Variants in GNAI1 observed in about 807,000 individuals in gnomAD.
The protein encoded by GNAI1 is guanine nucleotide-binding protein G(i) subunit alpha-1.
In GNAI1, 11 loss-of-function variants were observed where a neutral mutation model predicts 38.9. The ratio of observed to expected loss-of-function variants is 0.28; its 90% CI spans 0.18 to 0.47. The LOEUF is 0.47. GNAI1 is among the 20% of genes least tolerant of loss of function. GNAI1 has a pLI of 0.99. For synonymous variants in GNAI1, 166 were observed against 145.1 expected (o/e 1.14, Z -1.04); for missense variants, 317 against 436.9 (o/e 0.73, Z 2.45).
intron 1 of GNAI1, chr7:80,136,127 G>A (rs539895221): frequency 1.3e-6 from 1 of 766,410 alleles, no homozygotes; most frequent in Non-Finnish European, 1.6e-6. Context: ...GAAACGCTAC[G>A]TGGAGGTCTT....
chr7:80,190,606 A>G (rs1041981635), intron 3 of GNAI1, among the ~76,000 whole-genome samples: 6 of 152,142 alleles, frequency 3.9e-5, no homozygotes, highest in African/African-American at 1.4e-4. Flanking sequence ...AGCCTTTTTA[A>G]TCTTTGTTTA....
intron 1 of GNAI1, among the ~76,000 whole-genome samples, chr7:80,181,214 C>T (rs144963788): frequency 9.9e-5 from 15 of 152,242 alleles, no homozygotes; most frequent in African/African-American, 3.6e-4. Context: ...TCATGGGCCA[C>T]TTGGAAACAC....
intron 1 of GNAI1, among the ~76,000 whole-genome samples, chr7:80,161,700 T>C (rs1197470702): frequency 6.6e-6 from 1 of 152,200 alleles, no homozygotes; most frequent in Non-Finnish European, 1.5e-5. Context: ...GTTTCTAAAG[T>C]GGGAGCTCCA....
rs543712025 is a variant in GNAI1, at chr7:80,219,405, C to A, written c.*1912C>A. 4.3e-4 allele frequency: 65 copies of A among 152,640 alleles called. No individual in the cohort carries two copies. The highest frequency in any genetic ancestry group is 1.5e-3 in the African/African-American group (63 of 41,534). 9.5% of individuals were successfully genotyped at this position (152,640 alleles called of 1,614,324 possible). Reference sequence around the variant, plus strand: ...ATAAATTTAAATTTTTAAAATTTTACAAACCTATTGGCTAAGTACATTTTG... The same window carrying A: ...ATAAATTTAAATTTTTAAAATTTTAAAAACCTATTGGCTAAGTACATTTTG... On this transcript the variant is annotated 3_prime_UTR_variant, in exon 8 of 8. Coordinates refer to ENST00000649796, the MANE Select transcript of GNAI1 (RefSeq NM_002069.6).
At chr7:80,188,827 T>C (rs985080380) in intron 1 of GNAI1, 124 bp from the exon 2 acceptor site, 4 of 665,542 alleles carry the variant, frequency 6.0e-6, no homozygotes, top group Non-Finnish European at 1.1e-5. Flanking sequence ...AATTCAGCTC[T>C]AAGAGGTAGA....
At chr7:80,191,003 C>A (rs1158260681) in intron 3 of GNAI1, among the ~76,000 whole-genome samples, 2 of 151,894 alleles carry the variant, frequency 1.3e-5, no homozygotes, top group Non-Finnish European at 2.9e-5. Context: ...TGTGGGCCTG[C>A]TTTGCTCATC....
rs1185750137 is a variant in GNAI1, at chr7:80,223,208, ATTCCTT to A, written c.*5720_*5725del. On this transcript the variant is annotated 3_prime_UTR_variant, in exon 8 of 8. Transcript: ENST00000649796. ...TCTTGAGAGCCTAAGGGCCACAGAAATTCCTTTTCCAACTGCAGTGTCTATGGAGGG... is the reference window on the plus strand; with the variant it reads ...TCTTGAGAGCCTAAGGGCCACAGAAATTCCAACTGCAGTGTCTATGGAGGG... 6.6e-6 allele frequency among the ~76,000 whole-genome samples: 1 copy of A among 152,218 alleles called. No homozygotes were observed. The highest frequency in any genetic ancestry group is 1.5e-5 in the Non-Finnish European group (1 of 68,042).
intron 3 of GNAI1, among the ~76,000 whole-genome samples, chr7:80,189,439 C>T (rs1055017948): frequency 2.0e-5 from 3 of 152,134 alleles, no homozygotes; most frequent in Admixed American, 2.0e-4. Flanking sequence ...TTATGCTTTC[C>T]TTATCCATTA....
At chr7:80,149,750 A>G (rs1787692427) in intron 1 of GNAI1, among the ~76,000 whole-genome samples, 1 of 152,070 alleles carries the variant, frequency 6.6e-6, no homozygotes, top group African/African-American at 2.4e-5. Context: ...CTTCATGTTA[A>G]TGAGAGGATT....
At chr7:80,179,514 T>C (rs1788253850) in intron 1 of GNAI1, among the ~76,000 whole-genome samples, 1 of 152,164 alleles carries the variant, frequency 6.6e-6, no homozygotes, top group African/African-American at 2.4e-5. Context: ...AAAAGACATG[T>C]AGTTCAGGTA....
chr7:80,205,493 C>T (rs1788757891), intron 5 of GNAI1, among the ~76,000 whole-genome samples: 2 of 151,974 alleles, frequency 1.3e-5, no homozygotes, highest in Admixed American at 1.3e-4. Flanking sequence ...TGTTTATGAT[C>T]TGTTTTTTAA....
chr7:80,140,295 T>TA (rs1369644103), intron 1 of GNAI1, among the ~76,000 whole-genome samples: 1 of 152,200 alleles, frequency 6.6e-6, no homozygotes, highest in Non-Finnish European at 1.5e-5. Flanking sequence ...CCCCAATTTC[T>TA]AATGCATAAA....
intron 1 of GNAI1, among the ~76,000 whole-genome samples, chr7:80,181,845 T>A (rs771907054): frequency 6.6e-6 from 1 of 152,194 alleles, no homozygotes; most frequent in Non-Finnish European, 1.5e-5. Context: ...TCAGGCTAAT[T>A]AACGTATCCA....
chr7:80,204,445 T>G (rs910968529), intron 5 of GNAI1, among the ~76,000 whole-genome samples: 1 of 152,140 alleles, frequency 6.6e-6, no homozygotes, highest in African/African-American at 2.4e-5. Context: ...TCCCTCATTT[T>G]AAGATGAACG....
Position 80,219,445 on chromosome 7 carries a change from T to C in GNAI1, c.*1952T>C, listed in dbSNP as rs2115734338. On this transcript the variant is annotated 3_prime_UTR_variant, in exon 8 of 8. Coordinates refer to ENST00000649796, the MANE Select transcript of GNAI1 (RefSeq NM_002069.6). Reference sequence around the variant, plus strand: ...AGTACATTTTGGATTAGAATTTAAGTATCAGTCTGTTGTTTCTTCATTTCT... The same window carrying C: ...AGTACATTTTGGATTAGAATTTAAGCATCAGTCTGTTGTTTCTTCATTTCT... 1 of 152,716 alleles carries C rather than the reference T, an allele frequency of 6.5e-6. No individual in the cohort carries two copies. The highest frequency in any genetic ancestry group is 2.4e-5 in the African/African-American group (1 of 41,576). The allele number at this position is 152,716 out of a possible 1,614,324, so 9.5% of individuals were successfully genotyped here.
chr7:80,160,082 G>A (rs770527160), intron 1 of GNAI1, among the ~76,000 whole-genome samples: 8 of 152,048 alleles, frequency 5.3e-5, no homozygotes, highest in South Asian at 2.1e-4. Context: ...ACTCTGTTGC[G>A]GATCAATTTC....
intron 1 of GNAI1, among the ~76,000 whole-genome samples, chr7:80,164,602 TC>T (rs1472378728): frequency 6.6e-6 from 1 of 152,184 alleles, no homozygotes; most frequent in African/African-American, 2.4e-5. Context: ...GACCTCGTGA[TC>T]TGCCTGCCTT....
Position 80,199,377 on chromosome 7 carries a change from A to C in GNAI1, c.456A>C (p.Ala152=). ...GAGAGTACCAGCTTAATGATTCTGCAGCATAGTAAGTAATCATAACTTCAG... is the reference window on the plus strand; with the variant it reads ...GAGAGTACCAGCTTAATGATTCTGCCGCATAGTAAGTAATCATAACTTCAG... ...RSREYQLNDS[A]AYYLNDLDRI... is the part of the protein sequence containing the mutation. Residue 152 remains alanine (A), a synonymous_variant, in exon 4 of 8, where the codon GCA becomes GCC. Transcript: ENST00000649796. The C allele has an allele frequency of 6.3e-7, 1 of 1,594,784 alleles. No homozygotes were observed. The highest frequency in any genetic ancestry group is 8.6e-7 in the Non-Finnish European group (1 of 1,168,484).
intron 3 of GNAI1, among the ~76,000 whole-genome samples, chr7:80,197,718 G>A (rs1788603570): frequency 6.6e-6 from 1 of 152,048 alleles, no homozygotes; most frequent in Non-Finnish European, 1.5e-5. Context: ...TTTCTCTTGT[G>A]ATTTGCTAAA....
Sources: gnomAD v4.1 joint callset for allele counts (sites outside exome capture counted in the v4.1 genomes callset) on GRCh38, gnomAD v4.1.1 for gene constraint, MANE v1.5 for transcripts, NCBI Gene and HGNC (gene_info 2026-07-23, HGNC 2026-07-21) for gene names.